The following ATAD2 variants were observed in gnomAD, a reference collection of about 807,000 sequenced individuals.
ATAD2 encodes ATPase family AAA domain containing 2.
Under a neutral mutation model 168.9 loss-of-function variants are expected in ATAD2, and 62 were observed. That is an observed-to-expected ratio of 0.37 (90% CI 0.30 to 0.45). The LOEUF is 0.45. Ranked by LOEUF, ATAD2 falls within the 20% of genes least tolerant of loss-of-function variation. ATAD2 has a pLI of 1.00. For synonymous variants in ATAD2, 613 were observed against 571.6 expected (o/e 1.07, Z -1.03); for missense variants, 1,419 against 1,667.8 (o/e 0.85, Z 2.60).
At chr8:123,391,025 GA>G (rs796576294) in intron 1 of ATAD2, among the ~76,000 whole-genome samples, 7 of 141,980 alleles carry the variant, frequency 4.9e-5, no homozygotes, top group Admixed American at 2.1e-4. Flanking sequence ...AGTCTCAAAA[GA>G]AAAAAAAAAC....
chr8:123,350,348 T>C (rs1803436093), intron 13 of ATAD2, among the ~76,000 whole-genome samples: 1 of 152,216 alleles, frequency 6.6e-6, no homozygotes, highest in South Asian at 2.1e-4. Flanking sequence ...ACTTCATGTA[T>C]GGATTTCTAA....
chr8:123,325,624 T>C (rs1356617285), intron 26 of ATAD2, among the ~76,000 whole-genome samples: 1 of 152,004 alleles, frequency 6.6e-6, no homozygotes, highest in Non-Finnish European at 1.5e-5. Context: ...TTTCACACTG[T>C]TGGCCAGGCT....
chr8:123,364,406 T>A (rs980376819), intron 8 of ATAD2, among the ~76,000 whole-genome samples: 3 of 151,980 alleles, frequency 2.0e-5, no homozygotes, highest in African/African-American at 7.2e-5. Context: ...AAAGAGGGAA[T>A]CCTCCCCAAA....
intron 1 of ATAD2, among the ~76,000 whole-genome samples, chr8:123,387,249 T>G (rs547537106): frequency 6.6e-6 from 1 of 152,284 alleles, no homozygotes; most frequent in African/African-American, 2.4e-5. Flanking sequence ...AATGAATGAA[T>G]AGTATTTCAG....
intron 8 of ATAD2, among the ~76,000 whole-genome samples, chr8:123,367,527 C>T (rs1829018901): frequency 6.6e-6 from 1 of 152,120 alleles, no homozygotes; most frequent in Admixed American, 6.5e-5. Context: ...ATAACAGTGC[C>T]TTGGTCCTGT....
intron 2 of ATAD2, among the ~76,000 whole-genome samples, chr8:123,373,035 G>C (rs1382797456): frequency 6.6e-6 from 1 of 151,870 alleles, no homozygotes; most frequent in African/African-American, 2.4e-5. Context: ...TGGGACTATA[G>C]GCTCCTGTCA....
intron 13 of ATAD2, among the ~76,000 whole-genome samples, chr8:123,354,106 C>T (rs1411382807): frequency 6.6e-6 from 1 of 152,158 alleles, no homozygotes; most frequent in Non-Finnish European, 1.5e-5. Context: ...TGCACTCCAG[C>T]CTGGGCGACA....
intron 21 of ATAD2, among the ~76,000 whole-genome samples, chr8:123,337,076 G>T (rs377444144): frequency 6.9e-6 from 1 of 144,558 alleles, no homozygotes; most frequent in Non-Finnish European, 1.5e-5. Flanking sequence ...AAAAAAAAAA[G>T]GGGGGGCCGA....
chr8:123,395,244 T>C (rs757989470), intron 1 of ATAD2, among the ~76,000 whole-genome samples: 16 of 152,130 alleles, frequency 1.1e-4, no homozygotes, highest in Non-Finnish European at 1.9e-4. Flanking sequence ...CTAGCGAGCT[T>C]CCCCGACTTC....
At chr8:123,390,243 A>G (rs1421275111) in intron 1 of ATAD2, among the ~76,000 whole-genome samples, 1 of 151,892 alleles carries the variant, frequency 6.6e-6, no homozygotes, top group Non-Finnish European at 1.5e-5. Context: ...CCTCCCAAAC[A>G]AAGTGCTAGG....
intron 1 of ATAD2, among the ~76,000 whole-genome samples, chr8:123,388,409 G>A (rs980023397): frequency 1.3e-5 from 2 of 152,112 alleles, no homozygotes; most frequent in Non-Finnish European, 2.9e-5. Flanking sequence ...TTTTGAGACG[G>A]AGTCTTGCTC....
chr8:123,380,742 AAAG>A, intron 1 of ATAD2, 65 bp from the exon 2 acceptor site: 1 of 1,525,668 alleles, frequency 6.6e-7, no homozygotes, highest in Non-Finnish European at 8.9e-7. Flanking sequence ...AAATTCCTCC[AAAG>A]AGTATTCTCT....
chr8:123,322,830 ACAAT>A (rs1249255216), intron 27 of ATAD2, 104 bp downstream of exon 27: 5 of 1,158,084 alleles, frequency 4.3e-6, no homozygotes, highest in African/African-American at 3.2e-5. Flanking sequence ...TTAAGTTCCT[ACAAT>A]CAGTTTCTTA....
chr8:123,406,080 T>A (rs1813064475), intron 1 of ATAD2, among the ~76,000 whole-genome samples: 2 of 152,248 alleles, frequency 1.3e-5, no homozygotes, highest in South Asian at 4.1e-4. Context: ...CTTGGGGTTA[T>A]AAAACATGAA....
intron 1 of ATAD2, among the ~76,000 whole-genome samples, chr8:123,407,456 G>A (rs1299232540): frequency 1.3e-5 from 2 of 152,194 alleles, no homozygotes; most frequent in East Asian, 3.8e-4. Context: ...GGGTGTGGTG[G>A]CTCACACCTG....
At chr8:123,343,311 A>G (rs1828122114) in intron 19 of ATAD2, among the ~76,000 whole-genome samples, 1 of 152,068 alleles carries the variant, frequency 6.6e-6, no homozygotes, top group South Asian at 2.1e-4. Context: ...TACCTAGCCT[A>G]TTTAACACTG....
chr8:123,335,688 A>T (rs1269657999), intron 22 of ATAD2, among the ~76,000 whole-genome samples: 2 of 152,206 alleles, frequency 1.3e-5, no homozygotes, highest in African/African-American at 4.8e-5. Flanking sequence ...TTTTATTTTT[A>T]AAAATTTGTA....
At chr8:123,338,396 T>G (rs1030649801) in intron 20 of ATAD2, among the ~76,000 whole-genome samples, 3 of 151,982 alleles carry the variant, frequency 2.0e-5, no homozygotes, top group African/African-American at 7.2e-5. Context: ...GCTATTAAAC[T>G]TTGAAATTGC....
Position 123,396,221 on chromosome 8 carries a change from T to G in ATAD2, c.137A>C (p.Gln46Pro), listed in dbSNP as rs1812820028. 6.3e-7 allele frequency: 1 copy of G among 1,596,930 alleles called. No homozygotes were observed. Among genetic ancestry groups the G allele is most frequent in the African/African-American group, 1.3e-5 (1 of 74,480 alleles). Residue 46 changes from glutamine to proline, a missense_variant, in exon 1 of 28, where the codon CAG becomes CCG. By Grantham distance (76) the Gln-to-Pro change is moderately conservative. Coordinates refer to ENST00000287394, the MANE Select transcript of ATAD2 (RefSeq NM_014109.4). Reference sequence around the variant, plus strand: ...GGCTGTGGTCGCCGCGGGTTTCTTCTGCGCCGCGCCGGCCGAGCGGAGCCG... The same window carrying G: ...GGCTGTGGTCGCCGCGGGTTTCTTCGGCGCCGCGCCGGCCGAGCGGAGCCG... ...RRRLRSAGAA[Q>P]KKPAATTAKA...
Sources: allele counts gnomAD v4.1 joint callset (sites outside exome capture counted in the v4.1 genomes callset), GRCh38; gene constraint gnomAD v4.1.1; transcripts MANE v1.5; gene names NCBI Gene and HGNC (gene_info 2026-07-23, HGNC 2026-07-21).